Variants in CNTF observed in about 807,000 individuals in gnomAD.
CNTF encodes the protein ciliary neurotrophic factor, also known as Ciliary Neuronotrophic Factor.
Under a neutral mutation model 13.0 loss-of-function variants are expected in CNTF, and 14 were observed. That is an observed-to-expected ratio of 1.07 (90% CI 0.71 to 1.68). The LOEUF (loss-of-function observed/expected upper bound fraction) is 1.68, where lower values mean the gene tolerates loss of function less well. Among genes scored for constraint, CNTF ranks in the 40% most tolerant of loss-of-function variants. The pLI is 0.00. For synonymous variants in CNTF, 98 were observed against 92.4 expected, an observed-to-expected ratio of 1.06 and a Z score of -0.35; for missense variants, 283 against 252.5, an observed-to-expected ratio of 1.12 and a Z score of -0.82.
chr11:58,623,234 GA>G (rs1324947041), intron 1 of CNTF, among the ~76,000 whole-genome samples: 12 of 152,194 alleles, frequency 7.9e-5, no homozygotes, highest in Non-Finnish European at 1.2e-4. Flanking sequence ...CTATGTAAAT[GA>G]AAGGTTTATG....
chr11:58,622,977 C>T, intron 1 of CNTF, 111 bp downstream of exon 1: 1 of 783,318 alleles, frequency 1.3e-6, no homozygotes, highest in African/African-American at 1.7e-5. Flanking sequence ...ATCATATAGT[C>T]ATTCATATAG....
At position 58,624,054 on chromosome 11, in the gene CNTF, C is replaced by T. The variant is rs749183109; in HGVS notation, c.135C>T (p.Asn45=). The change falls in exon 2 of 2, where the codon AAC becomes AAT. Residue 45 remains asparagine, a synonymous_variant. Coordinates refer to ENST00000361987, the MANE Select transcript of CNTF (RefSeq NM_000614.4). Reference sequence around the variant, plus strand: ...GCCAGGTGAAGCATCAGGGCCTGAACAAGAACATCAACCTGGACTCTGCGG... The same window carrying T: ...GCCAGGTGAAGCATCAGGGCCTGAATAAGAACATCAACCTGGACTCTGCGG... The part of the protein sequence containing the change: ...TESYVKHQGL[N]KNINLDSADG... The T allele has an allele frequency of 1.9e-6, 3 of 1,612,094 alleles. No individual in the cohort carries two copies. The highest frequency in any genetic ancestry group is 2.5e-6 in the Non-Finnish European group (3 of 1,179,014).
Position 58,624,589 on chromosome 11 carries a change from G to A in CNTF, c.*67G>A, listed in dbSNP as rs568575831. ...AATATGCGTAGTTCCCTGGGGCCTC[G>A]CTTTCCCATCTTAAATTTCTAAAAA... On this transcript the variant is annotated 3_prime_UTR_variant, in exon 2 of 2. Coordinates refer to ENST00000361987, the MANE Select transcript of CNTF (RefSeq NM_000614.4). 26 of 1,571,662 alleles carry A rather than the reference G, an allele frequency of 1.7e-5. No individual in the cohort carries two copies. The highest frequency in any genetic ancestry group is 9.0e-5 in the East Asian group (4 of 44,678).
At position 58,625,511 on chromosome 11, in the gene CNTF, T is replaced by A. The variant is rs1855918556; in HGVS notation, c.*989T>A. ...CACTAAAAGTTCTCAAATATTGGGT[T>A]GGGCACGGCTTATACCAGGTTACCT... On this transcript the variant is annotated 3_prime_UTR_variant, in exon 2 of 2. Coordinates refer to ENST00000361987, the MANE Select transcript of CNTF (RefSeq NM_000614.4). 1 of 152,196 alleles carries A rather than the reference T, an allele frequency of 6.6e-6. No homozygotes were observed. Among genetic ancestry groups the A allele is most frequent in the Non-Finnish European group, 1.5e-5 (1 of 68,042 alleles). 9.4% of individuals were successfully genotyped at this position (152,196 alleles called of 1,614,324 possible).
At position 58,624,541 on chromosome 11, in the gene CNTF, T is replaced by A; in HGVS notation, c.*19T>A. Reference sequence around the variant, plus strand: ...AATGTAGCAGTTAGTCCCTTCTCTCTTCCTTGCTTTCTCTTCTAATGGAAT... The same window carrying A: ...AATGTAGCAGTTAGTCCCTTCTCTCATCCTTGCTTTCTCTTCTAATGGAAT... On this transcript the variant is annotated 3_prime_UTR_variant, in exon 2 of 2. Transcript: ENST00000361987. 1 of 1,611,922 alleles carries A rather than the reference T, an allele frequency of 6.2e-7. No individual in the cohort carries two copies. Among genetic ancestry groups the A allele is most frequent in the Admixed American group, 1.7e-5 (1 of 60,020 alleles).
chr11:58,624,631 C>A lies in CNTF; in HGVS notation c.*109C>A. ...TTCTAAAAACAGTTAAGACAACAGG[C>A]ATTTTCTTTCTTTTTTCTCTGACCA... On this transcript the variant is annotated 3_prime_UTR_variant, in exon 2 of 2. Transcript: ENST00000361987. The A allele has an allele frequency of 7.3e-7, 1 of 1,368,914 alleles. No individual in the cohort carries two copies. 84.8% of individuals were successfully genotyped at this position (1,368,914 alleles called of 1,614,324 possible). A position where few individuals can be genotyped will look rare whatever the true frequency, so the allele number is the denominator to read the frequency against.
rs775582163 is a variant in CNTF at position 58,624,523 on chromosome 11, CAGTT to C, written c.*5_*8del. On this transcript the variant is annotated 3_prime_UTR_variant, in exon 2 of 2. Transcript: ENST00000361987. ...TATTGCTAACAACAAGAAAATGTAG[CAGTT>C]AGTCCCTTCTCTCTTCCTTGCTTTC... The C allele has an allele frequency of 6.2e-6, 10 of 1,613,536 alleles. No homozygotes were observed. In the Admixed American group the frequency reaches 6.7e-5, roughly 11 times the overall value.
chr11:58,625,505 T>C lies in CNTF; in HGVS notation c.*983T>C, dbSNP rs969874491. The C allele has an allele frequency of 1.3e-5, 2 of 152,182 alleles. No individual in the cohort carries two copies. Among genetic ancestry groups the C allele is most frequent in the Non-Finnish European group, 2.9e-5 (2 of 68,018 alleles). 9.4% of individuals were successfully genotyped at this position (152,182 alleles called of 1,614,324 possible). Reference sequence around the variant, plus strand: ...AGTACTCACTAAAAGTTCTCAAATATTGGGTTGGGCACGGCTTATACCAGG... The same window carrying C: ...AGTACTCACTAAAAGTTCTCAAATACTGGGTTGGGCACGGCTTATACCAGG... On this transcript the variant is annotated 3_prime_UTR_variant, in exon 2 of 2. Transcript: ENST00000361987.
rs1183900815 is a variant in CNTF, at chr11:58,624,838, C to G, written c.*316C>G. The G allele has an allele frequency of 3.0e-6, 1 of 333,784 alleles. No individual in the cohort carries two copies. Among genetic ancestry groups the G allele is most frequent in the African/African-American group, 2.1e-5 (1 of 46,772 alleles). The allele number at this position is 333,784 out of a possible 1,614,324, so 20.7% of individuals were successfully genotyped here. On this transcript the variant is annotated 3_prime_UTR_variant, in exon 2 of 2. Transcript: ENST00000361987. ...CTTCAGGGTTCTAACCTTTCTAACC[C>G]ACTAAGTAACCTCTACAGGCATTTA... is the stretch of plus-strand genomic sequence containing the variant.
In CNTF at chr11:58,624,174, T is replaced by G. The variant is rs756571313; in HGVS notation, c.255T>G (p.Val85=). 8 of 1,613,990 alleles carry G rather than the reference T, an allele frequency of 5.0e-6. No homozygotes were observed. Among genetic ancestry groups the G allele is most frequent in the Non-Finnish European group, 6.8e-6 (8 of 1,180,002 alleles). Residue 85 remains valine, a synonymous_variant, in exon 2 of 2, where the codon GTT becomes GTG. Coordinates refer to ENST00000361987, the MANE Select transcript of CNTF (RefSeq NM_000614.4). ...ENLQAYRTFH[V]LLARLLEDQQ... Reference sequence around the variant, plus strand: ...TTCAAGCTTATCGTACCTTCCATGTTTTGTTGGCCAGGCTCTTAGAAGACC... The same window carrying G: ...TTCAAGCTTATCGTACCTTCCATGTGTTGTTGGCCAGGCTCTTAGAAGACC...
rs76417274 is a variant in CNTF at position 58,625,727 on chromosome 11, C to T, written c.*1205C>T. The T allele has an allele frequency of 1.3e-5, 2 of 152,246 alleles. No individual in the cohort carries two copies. The highest frequency in any genetic ancestry group is 4.8e-5 in the African/African-American group (2 of 41,530). 9.4% of individuals were successfully genotyped at this position (152,246 alleles called of 1,614,324 possible). On this transcript the variant is annotated 3_prime_UTR_variant, in exon 2 of 2. Coordinates refer to ENST00000361987, the MANE Select transcript of CNTF (RefSeq NM_000614.4). ...TATAGAATAAAGCCTCTGTGCTGCA[C>T]AACAAAGGGGCAGGCTCTGCTTTTA... is the stretch of plus-strand genomic sequence containing the variant.
In CNTF at chr11:58,624,438, C is replaced by G. The variant is rs748985330; in HGVS notation, c.519C>G (p.Ile173Met). The stretch of plus-strand genomic sequence containing the variant: ...TTTCACAGTGGACAGTAAGGTCCAT[C>G]CATGACCTTCGTTTCATTTCTTCTC... ...QELSQWTVRS[I>M]HDLRFISSHQ... Residue 173 changes from isoleucine (I) to methionine (M), a missense_variant, in exon 2 of 2, where the codon ATC (isoleucine) becomes ATG (methionine). Transcript: ENST00000361987. The G allele has an allele frequency of 6.2e-7, 1 of 1,613,600 alleles. No homozygotes were observed. The highest frequency in any genetic ancestry group is 8.5e-7 in the Non-Finnish European group (1 of 1,179,758).
chr11:58,624,445 C>G lies in CNTF; in HGVS notation c.526C>G (p.Leu176Val), dbSNP rs770282310. The G allele has an allele frequency of 6.2e-6, 10 of 1,613,742 alleles. No homozygotes were observed. The highest frequency in any genetic ancestry group is 8.5e-6 in the Non-Finnish European group (10 of 1,179,948). The change falls in exon 2 of 2, where the codon CTT (leucine) becomes GTT (valine). Residue 176 changes from leucine to valine, a missense_variant. Coordinates refer to ENST00000361987, the MANE Select transcript of CNTF (RefSeq NM_000614.4). ...GTGGACAGTAAGGTCCATCCATGAC[C>G]TTCGTTTCATTTCTTCTCATCAGAC... ...SQWTVRSIHD[L>V]RFISSHQTGI...
intron 1 of CNTF, among the ~76,000 whole-genome samples, chr11:58,623,096 C>G (rs1855877651): frequency 6.6e-6 from 1 of 152,052 alleles, no homozygotes; most frequent in South Asian, 2.1e-4. Flanking sequence ...ATATGGAGTT[C>G]TAGAAAGGAT....
chr11:58,622,936 A>G, intron 1 of CNTF, 70 bp downstream of exon 1: 1 of 1,005,820 alleles, frequency 9.9e-7, no homozygotes, highest in African/African-American at 1.6e-5. Flanking sequence ...ACCATCACGC[A>G]TCAGCTCCAT....
At chr11:58,623,008 C>G in intron 1 of CNTF, 142 bp downstream of exon 1, 3 of 714,762 alleles carry the variant, frequency 4.2e-6, no homozygotes, top group Non-Finnish European at 7.6e-6. Context: ...ATGGGCCCTT[C>G]CCTTGAGGAA....
At position 58,624,536 on chromosome 11, in the gene CNTF, C is replaced by A; in HGVS notation, c.*14C>A. The A allele has an allele frequency of 2.5e-6, 4 of 1,612,726 alleles. No homozygotes were observed. The highest frequency in any genetic ancestry group is 3.4e-6 in the Non-Finnish European group (4 of 1,179,920). ...AAGAAAATGTAGCAGTTAGTCCCTTCTCTCTTCCTTGCTTTCTCTTCTAAT... is the reference window on the plus strand; with the variant it reads ...AAGAAAATGTAGCAGTTAGTCCCTTATCTCTTCCTTGCTTTCTCTTCTAAT... On this transcript the variant is annotated 3_prime_UTR_variant, in exon 2 of 2. Transcript: ENST00000361987.
rs1441290691 is a variant in CNTF, at chr11:58,624,413, T to G, written c.494T>G (p.Leu165Arg). 2.5e-6 allele frequency: 4 copies of G among 1,613,950 alleles called. No individual in the cohort carries two copies. Among genetic ancestry groups the G allele is most frequent in the Non-Finnish European group, 3.4e-6 (4 of 1,179,944 alleles). ...TGGGGCCTAAAGGTGCTGCAGGAGC[T>G]TTCACAGTGGACAGTAAGGTCCATC... ...KLWGLKVLQE[L>R]SQWTVRSIHD... Residue 165 changes from leucine (L) to arginine (R), a missense_variant, in exon 2 of 2, where the codon CTT (leucine) becomes CGT (arginine). Transcript: ENST00000361987.
intron 1 of CNTF, 36 bp downstream of exon 1, chr11:58,622,902 T>C (rs1374979342): frequency 2.0e-6 from 3 of 1,472,806 alleles, no homozygotes; most frequent in Non-Finnish European, 2.8e-6. Context: ...TGTTTTCCCT[T>C]CATCTTTTTT....
Sources: allele counts gnomAD v4.1 joint callset (sites outside exome capture counted in the v4.1 genomes callset), GRCh38; gene constraint gnomAD v4.1.1; transcripts MANE v1.5; gene names NCBI Gene and HGNC (gene_info 2026-07-23, HGNC 2026-07-21).